Variants in PROS1 observed in about 807,000 individuals in gnomAD.
PROS1 encodes the protein protein S.
Under a neutral mutation model 75.9 loss-of-function variants are expected in PROS1, and 29 were observed. The observed-to-expected ratio is 0.38, with a 90% CI of 0.28 to 0.52. PROS1 has a LOEUF of 0.52. PROS1 is among the 20% of genes least tolerant of loss of function. PROS1 has a pLI of 0.83. For synonymous variants in PROS1, 245 were observed against 280.6 expected (o/e 0.87, Z 1.27); for missense variants, 680 against 810.3 (o/e 0.84, Z 1.95).
At chr3:93,875,615 A>G (rs1708170573) in intron 14 of PROS1, among the ~76,000 whole-genome samples, 2 of 146,756 alleles carry the variant, frequency 1.4e-5, no homozygotes, top group African/African-American at 5.1e-5. Flanking sequence ...AGGCATGCTC[A>G]CTACTTACCT....
chr3:93,955,925 A>G (rs1268606554), intron 1 of PROS1, among the ~76,000 whole-genome samples: 3 of 152,218 alleles, frequency 2.0e-5, no homozygotes, highest in Admixed American at 6.5e-5. Context: ...TTTGCTTAAC[A>G]GAACTGACCA....
chr3:93,946,842 A>G lies in PROS1; in HGVS notation c.77-19435T>C, dbSNP rs1189834485. Among the ~76,000 whole-genome samples, 73 of 151,110 alleles carry G rather than the reference A, an allele frequency of 4.8e-4. 2 individuals are homozygous for G. Among genetic ancestry groups the G allele is most frequent in the African/African-American group, 1.7e-3 (69 of 41,298 alleles). ...AAACTAAAGAGCTTCTGCACAGAAA[A>G]AAAAAAAAAAAAAAAACTATCATCA... On this transcript the variant is annotated intron_variant, in intron 1 of 14. Coordinates refer to ENST00000394236, the MANE Select transcript of PROS1 (RefSeq NM_000313.4).
intron 1 of PROS1, among the ~76,000 whole-genome samples, chr3:93,947,736 T>C (rs1039225850): frequency 1.3e-5 from 2 of 151,840 alleles, no homozygotes; most frequent in Non-Finnish European, 2.9e-5. Context: ...CCGGCTAATT[T>C]TTTTGTATTT....
intron 12 of PROS1, among the ~76,000 whole-genome samples, chr3:93,881,385 G>A (rs949715790): frequency 6.6e-6 from 1 of 152,034 alleles, no homozygotes; most frequent in Non-Finnish European, 1.5e-5. Flanking sequence ...GAGGAGGGTA[G>A]GGGTTGAAAA....
rs1448984440 is a variant in PROS1 at position 93,877,039 on chromosome 3, G to A, written c.1797C>T (p.Asp599=). 6.2e-7 allele frequency: 1 copy of A among 1,613,890 alleles called. No homozygotes were observed. The highest frequency in any genetic ancestry group is 1.3e-5 in the African/African-American group (1 of 74,914). Residue 599 remains aspartate, a synonymous_variant, in exon 14 of 15, where the codon GAC becomes GAT. Transcript: ENST00000394236. ...CCAAGACGGCAAGTTGTCTTTGAAG[G>A]TCTTCATGGGAGATGGTTTCTATTT... ...PLKIETISHE[D]LQRQLAVLDK...
At chr3:93,919,147 C>A (rs1241107396) in intron 3 of PROS1, among the ~76,000 whole-genome samples, 1 of 152,176 alleles carries the variant, frequency 6.6e-6, no homozygotes, top group Non-Finnish European at 1.5e-5. Flanking sequence ...CATCCTCATG[C>A]ATGTCTCCTT....
At position 93,884,083 on chromosome 3, in the gene PROS1, A is replaced by G. The variant is rs8178652; in HGVS notation, c.1492+645T>C. ...CCCATTACTAAGAGCCTAGCAAAAGAAATGTGCTCATTTCCAGACACAAAT... is the reference window on the plus strand; with the variant it reads ...CCCATTACTAAGAGCCTAGCAAAAGGAATGTGCTCATTTCCAGACACAAAT... On this transcript the variant is annotated intron_variant, in intron 12 of 14. Transcript: ENST00000394236. Among the ~76,000 whole-genome samples, 632 of 152,358 alleles carry G rather than the reference A, an allele frequency of 4.1e-3. 2 individuals carry two copies. Among genetic ancestry groups the G allele is most frequent in the Non-Finnish European group, 6.3e-3 (432 of 68,042 alleles).
intron 1 of PROS1, among the ~76,000 whole-genome samples, chr3:93,929,262 G>C (rs1709070774): frequency 1.3e-5 from 2 of 152,206 alleles, no homozygotes. Context: ...AGGATCACTT[G>C]AGCCAAGGAG....
chr3:93,949,346 C>A (rs1709456191), intron 1 of PROS1, among the ~76,000 whole-genome samples: 2 of 152,092 alleles, frequency 1.3e-5, no homozygotes, highest in Admixed American at 1.3e-4. Flanking sequence ...GTATTTCGTA[C>A]CCCACTTACC....
At chr3:93,941,666 G>T (rs1475782120) in intron 1 of PROS1, among the ~76,000 whole-genome samples, 1 of 152,150 alleles carries the variant, frequency 6.6e-6, no homozygotes, top group Non-Finnish European at 1.5e-5. Flanking sequence ...CAAAGTGCAG[G>T]GCTGTGCAGT....
intron 1 of PROS1, among the ~76,000 whole-genome samples, chr3:93,942,991 T>C (rs944953595): frequency 1.3e-5 from 2 of 152,200 alleles, no homozygotes; most frequent in Non-Finnish European, 2.9e-5. Context: ...TAAAGGCCTT[T>C]CCCTCAGGGT....
chr3:93,950,650 A>G (rs1471300290), intron 1 of PROS1, among the ~76,000 whole-genome samples: 2 of 152,250 alleles, frequency 1.3e-5, no homozygotes, highest in Non-Finnish European at 2.9e-5. Flanking sequence ...ACTAACAAAC[A>G]GAAAAGACAT....
intron 3 of PROS1, among the ~76,000 whole-genome samples, chr3:93,915,800 A>G (rs907748567): frequency 6.6e-6 from 1 of 152,012 alleles, no homozygotes; most frequent in African/African-American, 2.4e-5. Flanking sequence ...ACCCCTCACC[A>G]GAATCATCCT....
intron 12 of PROS1, among the ~76,000 whole-genome samples, chr3:93,884,158 C>A (rs1484038744): frequency 3.3e-5 from 5 of 152,078 alleles, no homozygotes; most frequent in Non-Finnish European, 7.3e-5. Flanking sequence ...CAAATCTAAA[C>A]CAAAAATTAC....
At chr3:93,930,171 A>G (rs990996845) in intron 1 of PROS1, among the ~76,000 whole-genome samples, 6 of 152,218 alleles carry the variant, frequency 3.9e-5, no homozygotes, top group African/African-American at 1.4e-4. Flanking sequence ...CATGTTTATC[A>G]TGCTCATTAA....
At chr3:93,909,808 A>C (rs1298212973) in intron 4 of PROS1, among the ~76,000 whole-genome samples, 2 of 150,944 alleles carry the variant, frequency 1.3e-5, no homozygotes, top group East Asian at 3.9e-4. Flanking sequence ...AAGTCTTCAT[A>C]GGATCGTTTT....
At chr3:93,889,065 G>A (rs1168186888) in intron 10 of PROS1, among the ~76,000 whole-genome samples, 1 of 152,100 alleles carries the variant, frequency 6.6e-6, no homozygotes, top group African/African-American at 2.4e-5. Context: ...CTGTTTACAT[G>A]GTACAGAATC....
chr3:93,893,182 A>C, intron 9 of PROS1, 60 bp from the exon 10 acceptor site: 1 of 1,439,460 alleles, frequency 6.9e-7, no homozygotes, highest in Non-Finnish European at 9.6e-7. Context: ...TCAATGCATT[A>C]TTCTTTTTTT....
intron 1 of PROS1, among the ~76,000 whole-genome samples, chr3:93,956,139 C>G (rs1029783002): frequency 4.6e-5 from 7 of 152,178 alleles, no homozygotes; most frequent in Admixed American, 6.5e-5. Context: ...TAATGCTATT[C>G]AAAGGTATCT....
Sources: allele counts gnomAD v4.1 joint callset (sites outside exome capture counted in the v4.1 genomes callset), GRCh38; gene constraint gnomAD v4.1.1; transcripts MANE v1.5; gene names NCBI Gene and HGNC (gene_info 2026-07-23, HGNC 2026-07-21).